Variants in RNF213 observed in about 807,000 individuals in gnomAD.
RNF213 encodes the protein E3 ubiquitin-protein ligase RNF213.
In RNF213, 341 loss-of-function variants were observed where a neutral mutation model predicts 514.4. The ratio of observed to expected loss-of-function variants is 0.66; its 90% CI spans 0.61 to 0.73. RNF213 has a LOEUF of 0.73. Among genes scored for constraint, RNF213 ranks in the 30% least tolerant of loss-of-function variants. The probability of loss-of-function intolerance (pLI) is 0.00; values close to 1 mark genes in which losing one functional copy is unlikely to be tolerated. For missense variants in RNF213, 5,767 were observed against 6,615.6 expected (o/e 0.87, Z 4.45); for synonymous variants, 2,655 against 2,658.2 (o/e 1.00, Z 0.04).
chr17:80,381,637 A>G lies in RNF213; in HGVS notation c.13888A>G (p.Met4630Val), dbSNP rs2080008593. 1 of 1,614,102 alleles carries G rather than the reference A, an allele frequency of 6.2e-7. No individual in the cohort carries two copies. Among genetic ancestry groups the G allele is most frequent in the African/African-American group, 1.3e-5 (1 of 74,938 alleles). The change falls in exon 57 of 68, where the codon ATG (methionine) becomes GTG (valine). Residue 4630 changes from methionine (M) to valine (V), a missense_variant. By Grantham distance (21) the Met-to-Val change is conservative. Coordinates refer to ENST00000582970, the MANE Select transcript of RNF213 (RefSeq NM_001256071.3). ...ILKDLEQLAK[M>V]LGHSADETIG... ...GAAGGACCTGGAGCAGTTGGCCAAG[A>G]TGCTGGGACACAGTGCCGACGAGAC...
rs2143290227 is a variant in RNF213, at chr17:80,290,460, TG to T, written c.1113-109del. 5 of 1,315,998 alleles carry T rather than the reference TG, an allele frequency of 3.8e-6. No individual in the cohort carries two copies. In the South Asian group the frequency reaches 4.8e-5, roughly 13 times the overall value. 81.5% of individuals were successfully genotyped at this position (1,315,998 alleles called of 1,614,324 possible). A position where few individuals can be genotyped will look rare whatever the true frequency, so the allele number is the denominator to read the frequency against. ...GTGTGCATGTGTGTGTGCGAGTGCATGTGTGTGTGCACGTGTGTGTGCGCAC... is the reference window on the plus strand; with the variant it reads ...GTGTGCATGTGTGTGTGCGAGTGCATTGTGTGTGCACGTGTGTGTGCGCAC... On this transcript the variant is annotated intron_variant, in intron 6 of 67. Coordinates refer to ENST00000582970, the MANE Select transcript of RNF213 (RefSeq NM_001256071.3).
intron 67 of RNF213, among the ~76,000 whole-genome samples, chr17:80,391,555 G>A (rs1471356801): frequency 2.0e-5 from 3 of 151,798 alleles, no homozygotes; most frequent in African/African-American, 4.8e-5. Flanking sequence ...TTACCTCTTC[G>A]TATCTTTTTC....
rs374596330 is a variant in RNF213, at chr17:80,334,127, G to A, written c.4166G>A (p.Arg1389His). 1.0e-4 allele frequency: 160 copies of A among 1,536,988 alleles called. No individual in the cohort carries two copies. Among genetic ancestry groups the A allele is most frequent in the Non-Finnish European group, 1.3e-4 (145 of 1,146,880 alleles). Residue 1389 changes from arginine (R) to histidine (H), a missense_variant, in exon 22 of 68, where the codon CGC becomes CAC. Transcript: ENST00000582970. ...CAGACTGATAACTTCGACGACTTTCGCCGTGAAACACTGGACCAGATCAAC... is the reference window on the plus strand; with the variant it reads ...CAGACTGATAACTTCGACGACTTTCACCGTGAAACACTGGACCAGATCAAC... ...LNFTDNFDDF[R>H]RETLDQINQE... is the part of the protein sequence containing the mutation.
intron 64 of RNF213, 185 bp downstream of exon 64, chr17:80,388,874 T>C (rs1226103735): frequency 1.2e-5 from 8 of 652,700 alleles, no homozygotes; most frequent in Admixed American, 7.2e-5. Flanking sequence ...TAAAAGCAGA[T>C]TGACATCTTG....
Position 80,396,377 on chromosome 17 carries a change from C to G in RNF213, c.*2879C>G, listed in dbSNP as rs949283513. 3 of 152,184 alleles carry G rather than the reference C, an allele frequency of 2.0e-5. No individual in the cohort carries two copies. Among genetic ancestry groups the G allele is most frequent in the Non-Finnish European group, 4.4e-5 (3 of 68,034 alleles). 9.4% of individuals were successfully genotyped at this position (152,184 alleles called of 1,614,324 possible). On this transcript the variant is annotated 3_prime_UTR_variant, in exon 68 of 68. Transcript: ENST00000582970. ...CGGCCCTGAGCTATTTCAGTTACTC[C>G]TGTATGTTCAGGCAATTCCAATTTA...
intron 8 of RNF213, among the ~76,000 whole-genome samples, chr17:80,293,151 G>A (rs1395285834): frequency 6.6e-6 from 1 of 151,992 alleles, no homozygotes; most frequent in Non-Finnish European, 1.5e-5. Flanking sequence ...TCAACCACCA[G>A]GGCTCAGCTG....
rs373219568 is a variant in RNF213, at chr17:80,372,489, T to C, written c.12538-32T>C. 17 of 1,533,158 alleles carry C rather than the reference T, an allele frequency of 1.1e-5. No homozygotes were observed. In the African/African-American group the frequency reaches 2.1e-4, roughly 19 times the overall value. The allele number at this position is 1,533,158 out of a possible 1,614,324, so 95.0% of individuals were successfully genotyped here. ...GGGGCATCCATGTTTAAAAAAATAA[T>C]ATCCTTTTCTTTCTTGTTCCTTGTT... On this transcript the variant is annotated intron_variant, in intron 47 of 67. Transcript: ENST00000582970.
intron 3 of RNF213, among the ~76,000 whole-genome samples, chr17:80,273,613 C>CT (rs56957242): frequency 0.029 from 2,794 of 97,540 alleles, 75 homozygotes; most frequent in African/African-American, 0.059. Flanking sequence ...CCTCCACCGT[C>CT]TTTTTTTTTT....
intron 3 of RNF213, 104 bp from the exon 4 acceptor site, chr17:80,287,711 C>T (rs1398817472): frequency 2.5e-6 from 3 of 1,220,944 alleles, no homozygotes; most frequent in African/African-American, 3.0e-5. Context: ...TTTGGTCGAG[C>T]CAAGCTTGAT....
chr17:80,346,069 G>C lies in RNF213; in HGVS notation c.7734G>C (p.Leu2578=), dbSNP rs367584488. Residue 2578 remains leucine (L), a synonymous_variant, in exon 29 of 68, where the codon CTG becomes CTC. Coordinates refer to ENST00000582970, the MANE Select transcript of RNF213 (RefSeq NM_001256071.3). The surrounding 1 kb of genome is among the most constrained non-coding windows in gnomAD (Gnocchi z 8.1). ...CTCTGCCCCCGAGCCTGATTCCTCT[G>C]GTGTGGGACTTTGGACAACTGAGTG... is the stretch of plus-strand genomic sequence containing the variant. ...VHALPPSLIP[L]VWDFGQLSDV... The C allele has an allele frequency of 6.8e-6, 11 of 1,614,058 alleles. No individual in the cohort carries two copies. The African/African-American group carries it at 1.2e-4, about 18-fold the overall frequency.
Position 80,377,632 on chromosome 17 carries a change from C to G in RNF213, c.13511-130C>G. 1.1e-6 allele frequency: 1 copy of G among 945,750 alleles called. No individual in the cohort carries two copies. The highest frequency in any genetic ancestry group is 1.7e-5 in the Admixed American group (1 of 58,932). The allele number at this position is 945,750 out of a possible 1,614,324, so 58.6% of individuals were successfully genotyped here. A position where few individuals can be genotyped will look rare whatever the true frequency, so the allele number is the denominator to read the frequency against. ...GGTGTCATGTAACTTAACAAATTAGCGTGGGATGCTCTGGACAGTCATTCT... is the reference window on the plus strand; with the variant it reads ...GGTGTCATGTAACTTAACAAATTAGGGTGGGATGCTCTGGACAGTCATTCT... On this transcript the variant is annotated intron_variant, in intron 53 of 67. Coordinates refer to ENST00000582970, the MANE Select transcript of RNF213 (RefSeq NM_001256071.3). The surrounding 1 kb of genome is among the most constrained non-coding windows in gnomAD (Gnocchi z 4.1).
intron 59 of RNF213, among the ~76,000 whole-genome samples, chr17:80,384,545 G>A (rs2080156895): frequency 6.6e-6 from 1 of 152,196 alleles, no homozygotes; most frequent in Non-Finnish European, 1.5e-5. Context: ...ACTTCTGTTG[G>A]TCAGTTGAGG....
intron 14 of RNF213, among the ~76,000 whole-genome samples, chr17:80,312,299 G>A (rs1438746115): frequency 6.6e-6 from 1 of 152,180 alleles, no homozygotes; most frequent in Admixed American, 6.5e-5. Context: ...AGGAAGGCAG[G>A]GGAGAGAAGG....
At chr17:80,334,013 G>A (rs1208333717) in intron 21 of RNF213, 92 bp from the exon 22 acceptor site, 1 of 1,444,292 alleles carries the variant, frequency 6.9e-7, no homozygotes, top group Admixed American at 2.0e-5. Flanking sequence ...TTGAGGGAGG[G>A]TGGGGCTGCT....
chr17:80,373,152 T>G lies in RNF213; in HGVS notation c.12929T>G (p.Val4310Gly), dbSNP rs372093859. ...RPHQWVFPKD[V>G]VKQQGLRQDH... ...CACCAGTGGGTGTTTCCCAAGGACG[T>G]TGTCAAGCAGCAGGTGAGAAGCGGG... Residue 4310 changes from valine (V) to glycine (G), a missense_variant, in exon 49 of 68, where the codon GTT becomes GGT. Physicochemically the swap from Val to Gly is moderately radical, Grantham distance 109. Around this residue, in one of 13 missense-constraint regions of RNF213, gnomAD observed 1,245 missense variants for 1,339.0 expected, o/e 0.93. Coordinates refer to ENST00000582970, the MANE Select transcript of RNF213 (RefSeq NM_001256071.3). 6.2e-7 allele frequency: 1 copy of G among 1,611,002 alleles called. No homozygotes were observed. Among genetic ancestry groups the G allele is most frequent in the Non-Finnish European group, 8.5e-7 (1 of 1,179,914 alleles).
rs1265697244 is a variant in RNF213 at position 80,304,263 on chromosome 17, G to A, written c.2211-1989G>A. ...CCATTGTCAACATTTTGGGTCTCCAGTACTGTGTTCCAGAATCAGCATTAT... is the reference window on the plus strand; with the variant it reads ...CCATTGTCAACATTTTGGGTCTCCAATACTGTGTTCCAGAATCAGCATTAT... On this transcript the variant is annotated intron_variant, in intron 11 of 67. Transcript: ENST00000582970. 3.9e-5 allele frequency among the ~76,000 whole-genome samples: 6 copies of A among 152,064 alleles called. No homozygotes were observed. In the East Asian group the frequency reaches 9.6e-4, roughly 24 times the overall value.
chr17:80,370,339 A>C (rs1449241927), intron 46 of RNF213, among the ~76,000 whole-genome samples: 1 of 152,184 alleles, frequency 6.6e-6, no homozygotes, highest in Non-Finnish European at 1.5e-5. Flanking sequence ...ACTTGTATGG[A>C]TCTAATATTG....
chr17:80,360,322 T>C (rs1270715583), intron 38 of RNF213, 116 bp downstream of exon 38: 1 of 1,215,032 alleles, frequency 8.2e-7, no homozygotes, highest in Admixed American at 2.0e-5. Flanking sequence ...AGTTTTTAGT[T>C]TTCACACTTT....
Position 80,360,215 on chromosome 17 carries a change from A to G in RNF213, c.11200+9A>G. ...CATCACAGACGCAGAAGGTGAGGCT[A>G]CCTCAAGACAGGTCAGATTCAGCAC... is the stretch of plus-strand genomic sequence containing the variant. On this transcript the variant is annotated intron_variant, in intron 38 of 67. Coordinates refer to ENST00000582970, the MANE Select transcript of RNF213 (RefSeq NM_001256071.3). The G allele has an allele frequency of 6.2e-7, 1 of 1,609,932 alleles. No individual in the cohort carries two copies. The highest frequency in any genetic ancestry group is 8.5e-7 in the Non-Finnish European group (1 of 1,178,062).
Sources: gnomAD v4.1 joint callset for allele counts (sites outside exome capture counted in the v4.1 genomes callset) on GRCh38, gnomAD v4.1.1 for gene constraint, gnomAD v4.1.1 regional missense constraint, Gnocchi (gnomAD v3.1) non-coding constraint, MANE v1.5 for transcripts, NCBI Gene and HGNC (gene_info 2026-07-23, HGNC 2026-07-21) for gene names.